Variants in SCN2A observed in about 807,000 individuals in gnomAD.
SCN2A encodes the protein sodium channel protein type 2 subunit alpha.
SCN2A carries 20 observed loss-of-function variants against 188.7 expected under a neutral mutation model. The ratio of observed to expected loss-of-function variants is 0.11; its 90% CI spans 0.07 to 0.15. The LOEUF (loss-of-function observed/expected upper bound fraction) is 0.15, where lower values mean the gene tolerates loss of function less well. SCN2A is among the 10% of genes least tolerant of loss of function. SCN2A has a pLI of 1.00. For synonymous variants in SCN2A, 804 were observed against 833.1 expected (o/e 0.97, Z 0.60); for missense variants, 1,278 against 2,445.0 (o/e 0.52, Z 10.07).
At chr2:165,353,022 C>G (rs779472079) in intron 16 of SCN2A, among the ~76,000 whole-genome samples, 1 of 150,712 alleles carries the variant, frequency 6.6e-6, no homozygotes, top group Non-Finnish European at 1.5e-5. Context: ...GTCTTGTACC[C>G]CTGAGAATGT....
At chr2:165,275,394 A>G (rs1695289816) in intron 1 of SCN2A, among the ~76,000 whole-genome samples, 1 of 151,910 alleles carries the variant, frequency 6.6e-6, no homozygotes, top group Non-Finnish European at 1.5e-5. Flanking sequence ...CTTTCCCTGG[A>G]GCAATTTGTA....
chr2:165,296,313 C>T, intron 2 of SCN2A: 1 of 571,142 alleles, frequency 1.8e-6, no homozygotes, highest in South Asian at 2.0e-5. Context: ...GTGAGGCATC[C>T]TCCAGCGCGG....
chr2:165,343,808 C>A lies in SCN2A; in HGVS notation c.2563-747C>A, dbSNP rs151296743. Among the ~76,000 whole-genome samples, 33 of 130,606 alleles carry A rather than the reference C, an allele frequency of 2.5e-4. No individual in the cohort carries two copies. The East Asian group carries it at 4.3e-3, about 17-fold the overall frequency. The allele number at this position is 130,606 out of a possible 152,430, so 85.7% of individuals were successfully genotyped here. A position where few individuals can be genotyped will look rare whatever the true frequency, so the allele number is the denominator to read the frequency against. On this transcript the variant is annotated intron_variant, in intron 15 of 26. Transcript: ENST00000375437. ...ATATAAAGGTTAAAAAGAAGCCTAG[C>A]GTTTTACTTAAGTTTAAGTATTTTT...
chr2:165,272,933 T>A (rs909983554), intron 1 of SCN2A: 1 of 152,034 alleles, frequency 6.6e-6, no homozygotes, highest in Non-Finnish European at 1.5e-5. Flanking sequence ...AGCATTTAAT[T>A]ATCTTCAGAT....
In SCN2A at chr2:165,308,664, A is replaced by G. The variant is rs1415376277; in HGVS notation, c.477-2A>G. On this transcript the variant is annotated splice_acceptor_variant, in intron 4 of 26. Coordinates refer to ENST00000375437, the MANE Select transcript of SCN2A (RefSeq NM_001040142.2). LOFTEE classifies it high-confidence loss of function. The stretch of plus-strand genomic sequence containing the variant: ...AATGTGAGCTTGGCTATTTTCTCTC[A>G]GGTATACCTTTACAGGAATTTATAC... 1 of 1,611,094 alleles carries G rather than the reference A, an allele frequency of 6.2e-7. No individual in the cohort carries two copies. The highest frequency in any genetic ancestry group is 8.5e-7 in the Non-Finnish European group (1 of 1,177,776).
chr2:165,323,390 C>T lies in SCN2A; in HGVS notation c.1906C>T (p.Pro636Ser). ...SQASRASRVL[P>S]ILPMNGKMHS... ...GGCCAGCCGTGCCTCCAGGGTGCTCCCCATCCTGCCCATGAATGGGAAGAT... is the reference window on the plus strand; with the variant it reads ...GGCCAGCCGTGCCTCCAGGGTGCTCTCCATCCTGCCCATGAATGGGAAGAT... Residue 636 changes from proline (P) to serine (S), a missense_variant, in exon 12 of 27, where the codon CCC becomes TCC. This residue lies in a region of SCN2A where 315 missense variants were observed against 386.6 expected (regional missense o/e 0.81). Coordinates refer to ENST00000375437, the MANE Select transcript of SCN2A (RefSeq NM_001040142.2). 6.2e-7 allele frequency: 1 copy of T among 1,614,070 alleles called. No individual in the cohort carries two copies. Among genetic ancestry groups the T allele is most frequent in the Non-Finnish European group, 8.5e-7 (1 of 1,179,986 alleles).
At position 165,296,787 on chromosome 2, in the gene SCN2A, T is replaced by G. The variant is rs2106150610; in HGVS notation, c.268-230T>G. On this transcript the variant is annotated intron_variant, in intron 2 of 26. Transcript: ENST00000375437. ...TTGATAAAGTTGCTAAGAATTCCTA[T>G]GGCATTGATCACAAATTTTCTTAAT... 9.2e-6 allele frequency: 3 copies of G among 325,526 alleles called. No homozygotes were observed. The East Asian group carries it at 1.5e-4, about 17-fold the overall frequency. 20.2% of individuals were successfully genotyped at this position (325,526 alleles called of 1,614,324 possible).
intron 1 of SCN2A, among the ~76,000 whole-genome samples, chr2:165,242,567 T>C (rs566795476): frequency 5.9e-5 from 9 of 152,064 alleles, no homozygotes; most frequent in Non-Finnish European, 1.2e-4. Flanking sequence ...GAGGACTAAA[T>C]TGGACATGAG....
chr2:165,286,778 T>C (rs940818701), intron 1 of SCN2A, among the ~76,000 whole-genome samples: 2 of 152,228 alleles, frequency 1.3e-5, no homozygotes, highest in African/African-American at 2.4e-5. Flanking sequence ...TCTATTTTCA[T>C]TGAGGATTTC....
At chr2:165,260,122 T>C (rs1297259155) in intron 1 of SCN2A, among the ~76,000 whole-genome samples, 1 of 151,936 alleles carries the variant, frequency 6.6e-6, no homozygotes, top group Non-Finnish European at 1.5e-5. Context: ...TTTTTGTATT[T>C]TTAGTAGAGA....
At chr2:165,379,818 A>ATTGGT (rs1424502957) in intron 23 of SCN2A, among the ~76,000 whole-genome samples, 3 of 151,668 alleles carry the variant, frequency 2.0e-5, no homozygotes, top group Non-Finnish European at 4.4e-5. Flanking sequence ...ATCATCAGGG[A>ATTGGT]TTGGTTAACT....
chr2:165,381,297 C>CA (rs754357211), intron 25 of SCN2A, 100 bp downstream of exon 25: 6 of 866,238 alleles, frequency 6.9e-6, no homozygotes. Flanking sequence ...ATTTGTAACA[C>CA]AAAGTTTTTT....
chr2:165,293,296 C>T (rs1385087197), intron 1 of SCN2A, among the ~76,000 whole-genome samples: 1 of 152,100 alleles, frequency 6.6e-6, no homozygotes, highest in African/African-American at 2.4e-5. Flanking sequence ...TTTAACCCTT[C>T]CCTATTTACG....
chr2:165,322,709 A>C (rs888989516), intron 11 of SCN2A, among the ~76,000 whole-genome samples: 2 of 152,222 alleles, frequency 1.3e-5, no homozygotes, highest in Non-Finnish European at 2.9e-5. Context: ...GGGTGTGGTC[A>C]CTAGCGAGCT....
chr2:165,242,055 C>G (rs1335649633), intron 1 of SCN2A, among the ~76,000 whole-genome samples: 1 of 151,870 alleles, frequency 6.6e-6, no homozygotes, highest in Non-Finnish European at 1.5e-5. Context: ...TTTTTTTCCC[C>G]TGGGGCAGTA....
At position 165,240,329 on chromosome 2, in the gene SCN2A, C is replaced by T. The variant is rs183553585; in HGVS notation, c.-52+689C>T. On this transcript the variant is annotated intron_variant, in intron 1 of 26. Coordinates refer to ENST00000375437, the MANE Select transcript of SCN2A (RefSeq NM_001040142.2). ...TTTATTGGATTTGGGATAATAGAAC[C>T]GTGGCCATTTTAAATAGTTGATATT... is the stretch of plus-strand genomic sequence containing the variant. Among the ~76,000 whole-genome samples the T allele has an allele frequency of 2.6e-5, 4 of 152,078 alleles. No individual in the cohort carries two copies. The East Asian group carries it at 5.8e-4, about 22-fold the overall frequency.
chr2:165,245,925 C>T (rs1453129940), intron 1 of SCN2A, among the ~76,000 whole-genome samples: 3 of 152,196 alleles, frequency 2.0e-5, no homozygotes, highest in Non-Finnish European at 4.4e-5. Flanking sequence ...GCTCCAATTA[C>T]TGGCCTTGAT....
intron 1 of SCN2A, among the ~76,000 whole-genome samples, chr2:165,257,092 C>T (rs1392716603): frequency 6.6e-6 from 1 of 152,142 alleles, no homozygotes; most frequent in Admixed American, 6.5e-5. Context: ...GGAACTGACG[C>T]ATCATTTCCT....
At chr2:165,265,474 T>C (rs1418424047) in intron 1 of SCN2A, among the ~76,000 whole-genome samples, 1 of 55,634 alleles carries the variant, frequency 1.8e-5, no homozygotes, top group Non-Finnish European at 3.4e-5. Context: ...TGTTGATCTA[T>C]ATATATATAT....
Sources: gnomAD v4.1 joint callset for allele counts (sites outside exome capture counted in the v4.1 genomes callset) on GRCh38, gnomAD v4.1.1 for gene constraint, gnomAD v4.1.1 regional missense constraint, MANE v1.5 for transcripts, NCBI Gene and HGNC (gene_info 2026-07-23, HGNC 2026-07-21) for gene names.